PTK2: variants seen among roughly 807,000 people sequenced by gnomAD.
The protein encoded by PTK2 is protein tyrosine kinase 2, also known as focal adhesion kinase 1.
A neutral mutation model predicts 150.1 loss-of-function variants in PTK2; 45 were observed. The observed-to-expected ratio is 0.30, with a 90% CI of 0.24 to 0.38. PTK2 has a LOEUF of 0.38. Among genes scored for constraint, PTK2 ranks in the 10% least tolerant of loss-of-function variants. The pLI is 1.00. For synonymous variants in PTK2, 432 were observed against 449.2 expected (o/e 0.96, Z 0.48); for missense variants, 919 against 1,307.3 (o/e 0.70, Z 4.58).
intron 8 of PTK2, among the ~76,000 whole-genome samples, chr8:140,820,090 T>G (rs1429266015): frequency 1.0e-4 from 6 of 60,162 alleles, no homozygotes; most frequent in Admixed American, 1.8e-4. Context: ...TTTTTTTTTT[T>G]TTTTTTTTTT....
chr8:140,893,984 C>G (rs957758362), intron 2 of PTK2, among the ~76,000 whole-genome samples: 7 of 152,184 alleles, frequency 4.6e-5, no homozygotes, highest in African/African-American at 1.7e-4. Flanking sequence ...TCTGATCCAG[C>G]AATTCCACTT....
Position 140,743,337 on chromosome 8 carries a change from A to C in PTK2, c.1635-7T>G, listed in dbSNP as rs1182953671. ...ATTCCGAGCAGCAATGTCCCTGATA[A>C]AGAAGAATTTGAGACAATAAGACTT... On this transcript the variant is annotated splice_region_variant and splice_polypyrimidine_tract_variant and intron_variant, in intron 19 of 31. Transcript: ENST00000522684. The C allele has an allele frequency of 1.4e-5, 23 of 1,607,448 alleles. No homozygotes were observed. Among genetic ancestry groups the C allele is most frequent in the Non-Finnish European group, 1.9e-5 (22 of 1,174,798 alleles).
chr8:140,812,356 A>C (rs1051428884), intron 10 of PTK2, among the ~76,000 whole-genome samples: 10 of 152,180 alleles, frequency 6.6e-5, no homozygotes, highest in African/African-American at 2.4e-4. Flanking sequence ...AATGCTGAAG[A>C]AATTTGTTAC....
intron 1 of PTK2, among the ~76,000 whole-genome samples, chr8:140,960,366 C>T (rs1011484770): frequency 6.6e-6 from 1 of 151,844 alleles, no homozygotes; most frequent in African/African-American, 2.4e-5. Flanking sequence ...TGCACCACCA[C>T]ATCCAGCTAA....
chr8:140,909,529 A>T (rs1049095641), intron 2 of PTK2: 6 of 152,224 alleles, frequency 3.9e-5, no homozygotes, highest in African/African-American at 1.4e-4. Context: ...TCTGAACAAG[A>T]TCTTCAAGAG....
chr8:140,904,799 G>C (rs1467942575), intron 2 of PTK2, among the ~76,000 whole-genome samples: 1 of 152,134 alleles, frequency 6.6e-6, no homozygotes, highest in South Asian at 2.1e-4. Flanking sequence ...GGTGTTTCTA[G>C]TATTTTCTAA....
chr8:140,945,663 T>C (rs529369302), intron 1 of PTK2, among the ~76,000 whole-genome samples: 1 of 152,188 alleles, frequency 6.6e-6, no homozygotes, highest in African/African-American at 2.4e-5. Flanking sequence ...TTAAACTTTT[T>C]TAAAGCTCCT....
chr8:140,820,075 G>GTTTTTTTTTTTTTTTTTTTTTTTT (rs1477006274), intron 8 of PTK2, among the ~76,000 whole-genome samples: 1 of 49,102 alleles, frequency 2.0e-5, no homozygotes. Flanking sequence ...ATCTGACTTT[G>GTTTTTTTTTTTTTTTTTTTTTTTT]GTTTTTTTTT....
At chr8:140,745,851 T>A (rs2154478797) in intron 18 of PTK2, among the ~76,000 whole-genome samples, 1 of 151,456 alleles carries the variant, frequency 6.6e-6, no homozygotes, top group Non-Finnish European at 1.5e-5. Flanking sequence ...AATGCGAAAA[T>A]TAGCTGGGCC....
chr8:140,780,365 CA>C (rs2100080969), intron 14 of PTK2, among the ~76,000 whole-genome samples: 1 of 152,084 alleles, frequency 6.6e-6, no homozygotes, highest in African/African-American at 2.4e-5. Context: ...AAAGAACAAC[CA>C]GATGTACATC....
chr8:140,810,205 A>G (rs2100100607), intron 10 of PTK2, among the ~76,000 whole-genome samples: 1 of 152,246 alleles, frequency 6.6e-6, no homozygotes. Context: ...AGCTGCTTAG[A>G]GAAGTGCTAG....
At chr8:140,666,669 T>C (rs1190296004) in intron 30 of PTK2, among the ~76,000 whole-genome samples, 1 of 152,008 alleles carries the variant, frequency 6.6e-6, no homozygotes, top group African/African-American at 2.4e-5. Flanking sequence ...TTGTGTGCTG[T>C]TGGAGGGAAT....
intron 12 of PTK2, among the ~76,000 whole-genome samples, chr8:140,793,698 C>G (rs1018884028): frequency 1.3e-5 from 2 of 152,244 alleles, no homozygotes; most frequent in African/African-American, 4.8e-5. Flanking sequence ...TTAGTCAACA[C>G]TCCTTGTCAA....
exon 32 of PTK2, chr8:140,659,354 G>T: frequency 2.4e-6 from 2 of 841,790 alleles, no homozygotes; most frequent in East Asian, 2.9e-5. Context: ...ATTCAAAAAA[G>T]TTGGAGCTGT....
intron 4 of PTK2, among the ~76,000 whole-genome samples, chr8:140,866,204 T>C (rs767977086): frequency 2.0e-5 from 3 of 152,218 alleles, no homozygotes; most frequent in Non-Finnish European, 4.4e-5. Flanking sequence ...CAGTCAACGA[T>C]TCAAACAGGT....
intron 18 of PTK2, among the ~76,000 whole-genome samples, chr8:140,745,774 C>G (rs2100058321): frequency 6.6e-6 from 1 of 152,088 alleles, no homozygotes; most frequent in South Asian, 2.1e-4. Context: ...CCAAGGCAGG[C>G]AGATCACTGG....
intron 13 of PTK2, among the ~76,000 whole-genome samples, chr8:140,791,737 C>A (rs1040860537): frequency 1.3e-5 from 2 of 151,932 alleles, no homozygotes; most frequent in African/African-American, 2.4e-5. Context: ...TTAGGCTTAG[C>A]AACGAAAAGG....
intron 1 of PTK2, among the ~76,000 whole-genome samples, chr8:140,998,341 A>G (rs2100198575): frequency 6.6e-6 from 1 of 152,206 alleles, no homozygotes; most frequent in South Asian, 2.1e-4. Flanking sequence ...ACATCATAAA[A>G]TACAAGGGGA....
intron 4 of PTK2, among the ~76,000 whole-genome samples, chr8:140,877,689 T>A (rs1031197402): frequency 3.3e-5 from 5 of 151,962 alleles, no homozygotes; most frequent in African/African-American, 1.2e-4. Flanking sequence ...TTATGAGCAG[T>A]AGTATCCCGA....
Sources: gnomAD v4.1 joint callset for allele counts (sites outside exome capture counted in the v4.1 genomes callset) on GRCh38, gnomAD v4.1.1 for gene constraint, MANE v1.5 for transcripts, NCBI Gene and HGNC (gene_info 2026-07-23, HGNC 2026-07-21) for gene names.